The following DLGAP2 variants were observed in gnomAD, a reference collection of about 807,000 sequenced individuals.
DLGAP2 encodes the protein disks large-associated protein 2.
DLGAP2 carries 26 observed loss-of-function variants against 100.3 expected under a neutral mutation model. That is an observed-to-expected ratio of 0.26 (90% confidence interval 0.19 to 0.36). The LOEUF (loss-of-function observed/expected upper bound fraction) is 0.36, where lower values mean the gene tolerates loss of function less well. DLGAP2 is among the 10% of genes least tolerant of loss of function. The pLI, the probability that DLGAP2 is intolerant of heterozygous loss-of-function variation, is 1.00. For missense variants in DLGAP2, 1,858 were observed against 1,453.2 expected, an observed-to-expected ratio of 1.28 and a Z score of -4.53; for synonymous variants, 886 against 630.1, an observed-to-expected ratio of 1.41 and a Z score of -6.08.
chr8:798,338 C>A (rs113979401), intron 1 of DLGAP2, among the ~76,000 whole-genome samples: 3 of 139,940 alleles, frequency 2.1e-5, no homozygotes, highest in Non-Finnish European at 4.7e-5. Flanking sequence ...TGAAAGCAAA[C>A]GCTTGTTGAG....
At chr8:1,126,664 C>T (rs1049878986) in intron 2 of DLGAP2, among the ~76,000 whole-genome samples, 2 of 152,146 alleles carry the variant, frequency 1.3e-5, no homozygotes, top group Non-Finnish European at 2.9e-5. Context: ...GTGGGCGGTG[C>T]TCTGCTGCTG....
At chr8:979,032 A>T (rs1389659769) in intron 2 of DLGAP2, among the ~76,000 whole-genome samples, 1 of 152,104 alleles carries the variant, frequency 6.6e-6, no homozygotes, top group African/African-American at 2.4e-5. Flanking sequence ...CCCACACTTC[A>T]TTCTCCGCAG....
chr8:754,854 A>T (rs890207662), intron 1 of DLGAP2, among the ~76,000 whole-genome samples: 1 of 151,996 alleles, frequency 6.6e-6, no homozygotes, highest in African/African-American at 2.4e-5. Flanking sequence ...AAGAAAGAAA[A>T]AAAGCAAGTA....
intron 3 of DLGAP2, among the ~76,000 whole-genome samples, chr8:1,382,126 G>A (rs182949440): frequency 1.3e-5 from 2 of 152,278 alleles, no homozygotes; most frequent in East Asian, 3.9e-4. Flanking sequence ...TTAACCAGAA[G>A]CCTAAGCAAT....
intron 2 of DLGAP2, among the ~76,000 whole-genome samples, chr8:1,169,971 G>A (rs1430148418): frequency 6.6e-6 from 1 of 151,882 alleles, no homozygotes; most frequent in Non-Finnish European, 1.5e-5. Context: ...AGTTTTCAAA[G>A]GGAATGCTTC....
intron 2 of DLGAP2, among the ~76,000 whole-genome samples, chr8:1,196,101 A>G (rs966946813): frequency 6.6e-6 from 1 of 152,196 alleles, no homozygotes. Flanking sequence ...GGCATCACCG[A>G]TATCCAGGGC....
chr8:1,091,294 C>T (rs983388017), intron 2 of DLGAP2, among the ~76,000 whole-genome samples: 8 of 152,234 alleles, frequency 5.3e-5, no homozygotes, highest in African/African-American at 1.9e-4. Context: ...ATTAAATCTG[C>T]CGGCACCTTG....
At chr8:1,537,074 T>C (rs1018352798) in intron 4 of DLGAP2, among the ~76,000 whole-genome samples, 2 of 151,262 alleles carry the variant, frequency 1.3e-5, no homozygotes, top group African/African-American at 2.4e-5. Flanking sequence ...GTATGTGGTA[T>C]GTGGTATGTG....
chr8:1,160,106 C>T (rs1014960297), intron 2 of DLGAP2, among the ~76,000 whole-genome samples: 23 of 152,230 alleles, frequency 1.5e-4, no homozygotes, highest in African/African-American at 5.3e-4. Flanking sequence ...CGGAAGCTGA[C>T]GCCGCGGCCC....
intron 1 of DLGAP2, among the ~76,000 whole-genome samples, chr8:796,829 T>G (rs1231919244): frequency 6.6e-6 from 1 of 152,200 alleles, no homozygotes; most frequent in African/African-American, 2.4e-5. Context: ...GTGGCTTCTG[T>G]GTTCCAGCCT....
At chr8:1,070,477 A>T (rs375120337) in intron 2 of DLGAP2, among the ~76,000 whole-genome samples, 87 of 152,286 alleles carry the variant, frequency 5.7e-4, no homozygotes, top group African/African-American at 2.0e-3. Flanking sequence ...CAACCCCAAA[A>T]TGTGTGGTGA....
chr8:1,387,973 C>T (rs1468152844), intron 3 of DLGAP2, among the ~76,000 whole-genome samples: 1 of 152,218 alleles, frequency 6.6e-6, no homozygotes, highest in Non-Finnish European at 1.5e-5. Flanking sequence ...TGGAGGTCCC[C>T]AGCGCGTGAG....
At chr8:1,593,029 T>C (rs542528691) in intron 6 of DLGAP2, among the ~76,000 whole-genome samples, 2 of 152,356 alleles carry the variant, frequency 1.3e-5, no homozygotes, top group South Asian at 4.1e-4. Context: ...TTTGTGATTA[T>C]ACATTGCAAT....
intron 3 of DLGAP2, among the ~76,000 whole-genome samples, chr8:1,449,688 A>AG (rs1247560250): frequency 6.6e-6 from 1 of 152,204 alleles, no homozygotes; most frequent in African/African-American, 2.4e-5. Flanking sequence ...AGGTGGGAGC[A>AG]GGGGGTGTGC....
At chr8:1,165,301 G>A (rs1250898323) in intron 2 of DLGAP2, among the ~76,000 whole-genome samples, 2 of 142,648 alleles carry the variant, frequency 1.4e-5, no homozygotes, top group African/African-American at 2.5e-5. Flanking sequence ...GAGAGACAGG[G>A]AGAGAGAGAG....
intron 2 of DLGAP2, among the ~76,000 whole-genome samples, chr8:1,212,652 T>G (rs1191940035): frequency 1.3e-5 from 2 of 152,042 alleles, no homozygotes; most frequent in African/African-American, 4.8e-5. Context: ...ATATCTGGGT[T>G]TTGGAGGACT....
chr8:1,701,332 T>A lies in DLGAP2; in HGVS notation c.3094T>A (p.Phe1032Ile). 1 of 1,592,632 alleles carries A rather than the reference T, an allele frequency of 6.3e-7. No homozygotes were observed. The highest frequency in any genetic ancestry group is 8.5e-7 in the Non-Finnish European group (1 of 1,170,270). Residue 1032 changes from phenylalanine (F) to isoleucine (I), a missense_variant, in exon 15 of 15, where the codon TTC becomes ATC. Phe to Ile is a conservative substitution (Grantham distance 21). Coordinates refer to ENST00000637795, the MANE Select transcript of DLGAP2 (RefSeq NM_001346810.2). ...CATGGCCGCCAAGCGAGCGGCGTCC[T>A]TCCGGCAGAATTCCGCCTCCGAGCG... ...RLMAAKRAASFRQNSASERAD... is the reference protein window; with the variant it reads ...RLMAAKRAASIRQNSASERAD...
chr8:1,219,790 T>C (rs1425118076), intron 2 of DLGAP2, among the ~76,000 whole-genome samples: 1 of 152,138 alleles, frequency 6.6e-6, no homozygotes, highest in African/African-American at 2.4e-5. Flanking sequence ...ATTTTAGAAC[T>C]CATTATTGGT....
chr8:1,176,281 G>A (rs886311639), intron 2 of DLGAP2, among the ~76,000 whole-genome samples: 8 of 152,148 alleles, frequency 5.3e-5, no homozygotes, highest in Non-Finnish European at 1.0e-4. Flanking sequence ...AGAATAGCAT[G>A]GGGAAAACCG....
Sources: allele counts gnomAD v4.1 joint callset (sites outside exome capture counted in the v4.1 genomes callset), GRCh38; gene constraint gnomAD v4.1.1; transcripts MANE v1.5; gene names NCBI Gene and HGNC (gene_info 2026-07-23, HGNC 2026-07-21).